Variants in APOO observed in about 807,000 individuals in gnomAD.
APOO encodes MICOS complex subunit MIC26.
APOO carries 11 observed loss-of-function variants against 23.1 expected under a neutral mutation model. The observed-to-expected ratio is 0.48, with a 90% CI of 0.30 to 0.79. The LOEUF is 0.79. Ranked by LOEUF, APOO falls within the 30% of genes least tolerant of loss-of-function variation. APOO has a pLI of 0.07. For missense variants in APOO, 160 were observed against 142.7 expected, an observed-to-expected ratio of 1.12 and a Z score of -0.62; for synonymous variants, 59 against 54.8, an observed-to-expected ratio of 1.08 and a Z score of -0.34.
chrX:23,864,686 A>G (rs1304447903), intron 5 of APOO, among the ~76,000 whole-genome samples: 4 of 112,386 alleles, frequency 3.6e-5, no homozygotes, highest in African/African-American at 9.7e-5. Context: ...GAAATCCCCA[A>G]CGATGGAACT....
intron 3 of APOO, among the ~76,000 whole-genome samples, chrX:23,878,578 G>A (rs137973734): frequency 1.1e-4 from 12 of 112,295 alleles, no homozygotes; most frequent in Non-Finnish European, 1.3e-4. Context: ...TGGAGAATGC[G>A]GAATCTATCC....
intron 7 of APOO, among the ~76,000 whole-genome samples, chrX:23,841,094 G>A (rs1474681832): frequency 8.9e-6 from 1 of 111,993 alleles, no homozygotes; most frequent in Non-Finnish European, 1.9e-5. Context: ...TGAAAAACAG[G>A]AGGCTGCAGC....
chrX:23,872,515 G>A (rs1299582190), intron 4 of APOO, among the ~76,000 whole-genome samples: 3 of 82,616 alleles, frequency 3.6e-5, no homozygotes, highest in Non-Finnish European at 6.6e-5. Context: ...AGCTTGTTAT[G>A]AGAATTTATA....
At chrX:23,889,878 G>A (rs745883034) in intron 1 of APOO, among the ~76,000 whole-genome samples, 20 of 109,734 alleles carry the variant, frequency 1.8e-4, no homozygotes, top group South Asian at 7.8e-4. Context: ...AGCCAGGATG[G>A]TCTCAATCTT....
At chrX:23,850,755 A>C (rs1266069109) in intron 7 of APOO, among the ~76,000 whole-genome samples, 3 of 111,715 alleles carry the variant, frequency 2.7e-5, no homozygotes, top group Non-Finnish European at 5.6e-5. Context: ...TGAACCCAGC[A>C]GGCGGAAGTT....
chrX:23,884,151 G>C (rs1278236645), intron 1 of APOO: 1 of 111,201 alleles, frequency 9.0e-6, no homozygotes, highest in Admixed American at 9.7e-5. Context: ...AAAAGTCCTA[G>C]GTAATAAATA....
At chrX:23,843,447 A>G (rs1358261458) in intron 7 of APOO, among the ~76,000 whole-genome samples, 1 of 101,709 alleles carries the variant, frequency 9.8e-6, no homozygotes, top group Non-Finnish European at 1.9e-5. Flanking sequence ...ATTTAGCACA[A>G]GCCAGAAATC....
intron 8 of APOO, among the ~76,000 whole-genome samples, chrX:23,835,353 G>C (rs773018501): frequency 9.0e-6 from 1 of 111,681 alleles, no homozygotes; most frequent in Non-Finnish European, 1.9e-5. Context: ...ATGAGCCACC[G>C]TGCCCGGCAC....
chrX:23,867,049 G>A (rs760933150), intron 5 of APOO, among the ~76,000 whole-genome samples: 3 of 106,938 alleles, frequency 2.8e-5, no homozygotes, highest in Non-Finnish European at 5.8e-5. Flanking sequence ...GCAGTGAGCC[G>A]AGATTGTGCC....
chrX:23,904,748 C>T (rs1927281510), intron 1 of APOO, among the ~76,000 whole-genome samples: 1 of 110,453 alleles, frequency 9.1e-6, no homozygotes, highest in South Asian at 3.8e-4. Context: ...CCTCGTGATC[C>T]GCCCGCCTCG....
At chrX:23,846,150 CAAAAAA>C (rs1159648189) in intron 7 of APOO, among the ~76,000 whole-genome samples, 1 of 99,286 alleles carries the variant, frequency 1.0e-5, no homozygotes, top group Non-Finnish European at 2.0e-5. Flanking sequence ...ACTAAAAATA[CAAAAAA>C]AAAAATTAGC....
intron 1 of APOO, among the ~76,000 whole-genome samples, chrX:23,901,022 T>C (rs1927111506): frequency 8.9e-6 from 1 of 112,368 alleles, no homozygotes; most frequent in Non-Finnish European, 1.9e-5. Context: ...ACTCTTCCAA[T>C]TTACAGATGA....
chrX:23,839,031 G>T (rs763119027), intron 8 of APOO, among the ~76,000 whole-genome samples: 2 of 111,892 alleles, frequency 1.8e-5, no homozygotes, highest in Admixed American at 1.9e-4. Context: ...GAGGACATGT[G>T]TCACTCTGTG....
At chrX:23,870,911 A>G (rs1199541299) in intron 4 of APOO, among the ~76,000 whole-genome samples, 1 of 110,437 alleles carries the variant, frequency 9.1e-6, no homozygotes, top group Non-Finnish European at 1.9e-5. Context: ...CAACATGGTG[A>G]AACCCCGTCT....
rs1042718629 is a variant in APOO at position 23,899,702 on chromosome X, CAG to C, written c.9+7990_9+7991del. 6.3e-5 allele frequency among the ~76,000 whole-genome samples: 7 copies of C among 111,870 alleles called. No homozygotes were observed. The South Asian group carries it at 1.1e-3, about 17-fold the overall frequency. On this transcript the variant is annotated intron_variant, in intron 1 of 8. Coordinates refer to ENST00000379226, the MANE Select transcript of APOO (RefSeq NM_024122.5). The stretch of plus-strand genomic sequence containing the variant: ...AAAAATAAGTCTAAACTTTTTGAAA[CAG>C]ATATCTTTGCTATTGAGATTTATTA...
chrX:23,836,869 A>G (rs952726609), intron 8 of APOO: 5 of 1,067,544 alleles, frequency 4.7e-6, no homozygotes, highest in Middle Eastern at 7.0e-4. Flanking sequence ...AACAAGCTCA[A>G]TGTCATTTCC....
intron 4 of APOO, among the ~76,000 whole-genome samples, chrX:23,868,910 C>CTT (rs376256040): frequency 1.0e-5 from 1 of 98,097 alleles, no homozygotes; most frequent in Admixed American, 1.1e-4. Context: ...TCTTTTCTTT[C>CTT]TTTTTTTTTT....
chrX:23,875,794 T>C (rs1925820911), intron 3 of APOO, among the ~76,000 whole-genome samples: 1 of 110,828 alleles, frequency 9.0e-6, no homozygotes, highest in South Asian at 3.7e-4. Flanking sequence ...TGACCTGAAA[T>C]AATAAATGCC....
intron 1 of APOO, among the ~76,000 whole-genome samples, chrX:23,882,782 G>A (rs1926204958): frequency 9.1e-6 from 1 of 110,324 alleles, no homozygotes; most frequent in Non-Finnish European, 1.9e-5. Flanking sequence ...AAATAGCTGG[G>A]ACTACAGGCA....
Sources: allele counts gnomAD v4.1 joint callset (sites outside exome capture counted in the v4.1 genomes callset), GRCh38; gene constraint gnomAD v4.1.1; transcripts MANE v1.5; gene names NCBI Gene and HGNC (gene_info 2026-07-23, HGNC 2026-07-21).